GNAI1: variants seen among roughly 807,000 people sequenced by gnomAD.
GNAI1 encodes G protein subunit alpha i1.
Under a neutral mutation model 38.9 loss-of-function variants are expected in GNAI1, and 11 were observed. That is an observed-to-expected ratio of 0.28 (90% CI 0.18 to 0.47). The LOEUF is 0.47. GNAI1 is among the 20% of genes least tolerant of loss of function. The pLI is 0.99. For synonymous variants in GNAI1, 166 were observed against 145.1 expected (o/e 1.14, Z -1.04); for missense variants, 317 against 436.9 (o/e 0.73, Z 2.45).
intron 1 of GNAI1, among the ~76,000 whole-genome samples, chr7:80,178,575 G>A (rs978450799): frequency 6.6e-6 from 1 of 152,130 alleles, no homozygotes; most frequent in Admixed American, 6.5e-5. Context: ...ATGATGACTC[G>A]CTGAAGGGTC....
chr7:80,171,951 T>C (rs1023615235), intron 1 of GNAI1, among the ~76,000 whole-genome samples: 2 of 152,188 alleles, frequency 1.3e-5, no homozygotes, highest in African/African-American at 4.8e-5. Flanking sequence ...AAAAATGATA[T>C]TTGAAAGAAT....
chr7:80,174,970 C>T (rs150285411), intron 1 of GNAI1, among the ~76,000 whole-genome samples: 114 of 152,182 alleles, frequency 7.5e-4, no homozygotes, highest in African/African-American at 2.6e-3. Flanking sequence ...CTTTAATATT[C>T]CATGTGACCA....
At chr7:80,166,957 T>C (rs1788019358) in intron 1 of GNAI1, among the ~76,000 whole-genome samples, 1 of 152,182 alleles carries the variant, frequency 6.6e-6, no homozygotes, top group African/African-American at 2.4e-5. Context: ...TAGAGTATAT[T>C]ACCTGAGATG....
intron 1 of GNAI1, among the ~76,000 whole-genome samples, chr7:80,183,653 A>T (rs902392915): frequency 4.6e-5 from 7 of 152,004 alleles, no homozygotes; most frequent in Admixed American, 3.3e-4. Context: ...AAAAAAAAAG[A>T]TACTTGTTTT....
chr7:80,190,808 A>G (rs1297825294), intron 3 of GNAI1, among the ~76,000 whole-genome samples: 6 of 152,196 alleles, frequency 3.9e-5, no homozygotes, highest in African/African-American at 1.4e-4. Flanking sequence ...TTAGGAGATC[A>G]TGAAGGGTCA....
intron 1 of GNAI1, among the ~76,000 whole-genome samples, chr7:80,158,892 T>C (rs1787865901): frequency 6.6e-6 from 1 of 152,214 alleles, no homozygotes; most frequent in African/African-American, 2.4e-5. Context: ...TCCTGGATTC[T>C]ACAGGAACTC....
In GNAI1 at chr7:80,210,969, A is replaced by G. The variant is rs780082020; in HGVS notation, c.591A>G (p.Lys197=). The G allele has an allele frequency of 6.2e-7, 1 of 1,612,954 alleles. No homozygotes were observed. The highest frequency in any genetic ancestry group is 8.5e-7 in the Non-Finnish European group (1 of 1,179,012). ...THFTFKDLHF[K]MFDVGGQRSE... ...GTTAACTCATTTCTCCTCTTAACAG[A>G]ATGTTTGATGTGGGAGGTCAGAGAT... Residue 197 remains lysine, a splice_region_variant and synonymous_variant, in exon 6 of 8, where the codon AAA becomes AAG. Coordinates refer to ENST00000649796, the MANE Select transcript of GNAI1 (RefSeq NM_002069.6).
chr7:80,161,579 A>C (rs570719992), intron 1 of GNAI1, among the ~76,000 whole-genome samples: 6 of 152,294 alleles, frequency 3.9e-5, no homozygotes, highest in African/African-American at 1.2e-4. Flanking sequence ...TTTAAATGTC[A>C]TATATTTTTA....
rs1389705002 is a variant in GNAI1 at position 80,139,510 on chromosome 7, AT to A, written c.118+4236del. 2.6e-5 allele frequency among the ~76,000 whole-genome samples: 4 copies of A among 152,154 alleles called. No individual in the cohort carries two copies. In the East Asian group the frequency reaches 7.7e-4, roughly 29 times the overall value. On this transcript the variant is annotated intron_variant, in intron 1 of 7. Transcript: ENST00000649796. Reference sequence around the variant, plus strand: ...TATTGTTTATCCTTCTGCCCAGCCTATTTTCCTACTGCTGTGGGCACTTTAA... The same window carrying A: ...TATTGTTTATCCTTCTGCCCAGCCTATTTCCTACTGCTGTGGGCACTTTAA...
At chr7:80,139,353 C>G (rs1221755634) in intron 1 of GNAI1, among the ~76,000 whole-genome samples, 1 of 152,176 alleles carries the variant, frequency 6.6e-6, no homozygotes, top group Admixed American at 6.5e-5. Context: ...CCTTTGTTGA[C>G]TTTTCCGTTT....
rs571778782 is a variant in GNAI1, at chr7:80,201,886, G to A, written c.462-1818G>A. 4.9e-4 allele frequency among the ~76,000 whole-genome samples: 75 copies of A among 152,230 alleles called. 1 individual carries two copies. The South Asian group carries it at 9.5e-3, about 19-fold the overall frequency. On this transcript the variant is annotated intron_variant, in intron 4 of 7. Transcript: ENST00000649796. ...TTCTCCATAGTGATTAGAGGGCATC[G>A]TGATCTATGAGTTCTTGACTGGGGA...
At chr7:80,155,372 C>T (rs1260997460) in intron 1 of GNAI1, among the ~76,000 whole-genome samples, 2 of 152,108 alleles carry the variant, frequency 1.3e-5, no homozygotes, top group Non-Finnish European at 2.9e-5. Context: ...TTCTGTATTT[C>T]TATCCAATAG....
intron 7 of GNAI1, among the ~76,000 whole-genome samples, chr7:80,213,225 TAAAC>T (rs955778572): frequency 1.8e-4 from 27 of 152,262 alleles, no homozygotes; most frequent in African/African-American, 6.3e-4. Flanking sequence ...CAGACATACT[TAAAC>T]AACAGGCAAT....
In GNAI1 at chr7:80,200,324, C is replaced by CAAAAAAAAAAAAAAAAAAA. The variant is rs59511755; in HGVS notation, c.461+947_461+965dup. ...CTGGAGATGGAGTGAGGCCATGTCT[C>CAAAAAAAAAAAAAAAAAAA]AAAAAAAAAAAAAAAAAAAAAAACC... On this transcript the variant is annotated intron_variant, in intron 4 of 7. Transcript: ENST00000649796. 4.0e-4 allele frequency among the ~76,000 whole-genome samples: 16 copies of CAAAAAAAAAAAAAAAAAAA among 40,370 alleles called. 2 individuals carry two copies. Among genetic ancestry groups the CAAAAAAAAAAAAAAAAAAA allele is most frequent in the African/African-American group, 2.3e-3 (14 of 6,044 alleles). The allele number at this position is 40,370 out of a possible 152,430, so 26.5% of individuals were successfully genotyped here.
chr7:80,173,265 C>A (rs1282233193), intron 1 of GNAI1, among the ~76,000 whole-genome samples: 1 of 152,110 alleles, frequency 6.6e-6, no homozygotes, highest in Non-Finnish European at 1.5e-5. Flanking sequence ...AAATATATGT[C>A]TTTTATATCT....
In GNAI1 at chr7:80,222,444, A is replaced by G. The variant is rs1333727408; in HGVS notation, c.*4951A>G. 2.1e-5 allele frequency among the ~76,000 whole-genome samples: 3 copies of G among 145,858 alleles called. No individual in the cohort carries two copies. The highest frequency in any genetic ancestry group is 7.0e-5 in the Admixed American group (1 of 14,232). On this transcript the variant is annotated 3_prime_UTR_variant, in exon 8 of 8. Coordinates refer to ENST00000649796, the MANE Select transcript of GNAI1 (RefSeq NM_002069.6). ...TTCTTGTTTCCCAGGCTGGAGCGCA[A>G]TGGTGCGATCTCGGCTCACCGCAAC...
intron 1 of GNAI1, among the ~76,000 whole-genome samples, chr7:80,153,916 A>C (rs1444712911): frequency 6.6e-6 from 1 of 152,018 alleles, no homozygotes; most frequent in African/African-American, 2.4e-5. Context: ...ATTATTTTTT[A>C]AATTAATTAA....
At chr7:80,209,231 TATC>T (rs1170840494) in intron 5 of GNAI1, among the ~76,000 whole-genome samples, 2 of 152,204 alleles carry the variant, frequency 1.3e-5, no homozygotes, top group Non-Finnish European at 1.5e-5. Context: ...ACTAAAGTTG[TATC>T]ATCAGTATTC....
rs774561586 is a variant in GNAI1 at position 80,218,825 on chromosome 7, A to G, written c.*1332A>G. 3 of 152,138 alleles carry G rather than the reference A, an allele frequency of 2.0e-5. No homozygotes were observed. The highest frequency in any genetic ancestry group is 4.4e-5 in the Non-Finnish European group (3 of 68,028). 9.4% of individuals were successfully genotyped at this position (152,138 alleles called of 1,614,324 possible). A position where few individuals can be genotyped will look rare whatever the true frequency, so the allele number is the denominator to read the frequency against. On this transcript the variant is annotated 3_prime_UTR_variant, in exon 8 of 8. Coordinates refer to ENST00000649796, the MANE Select transcript of GNAI1 (RefSeq NM_002069.6). ...ATGTGTGCTCAAATAAGTGTTATGT[A>G]TCAGCTAGATACTGAGCTTTGATAG...
Sources: allele counts gnomAD v4.1 joint callset (sites outside exome capture counted in the v4.1 genomes callset), GRCh38; gene constraint gnomAD v4.1.1; transcripts MANE v1.5; gene names NCBI Gene and HGNC (gene_info 2026-07-23, HGNC 2026-07-21).